Variants in CCDC146 observed in about 807,000 individuals in gnomAD.
CCDC146 encodes the protein coiled-coil domain containing 146.
In CCDC146, 92 loss-of-function variants were observed where a neutral mutation model predicts 119.3. The ratio of observed to expected loss-of-function variants is 0.77; its 90% CI spans 0.65 to 0.92. CCDC146 has a LOEUF of 0.92. Among genes scored for constraint, CCDC146 ranks in the 40% least tolerant of loss-of-function variants. CCDC146 has a pLI of 0.00. For synonymous variants in CCDC146, 372 were observed against 371.8 expected (o/e 1.00, Z -0.01); for missense variants, 1,000 against 1,103.0 (o/e 0.91, Z 1.32).
intron 4 of CCDC146, among the ~76,000 whole-genome samples, chr7:77,253,227 C>T (rs78208970): frequency 0.035 from 5,297 of 152,280 alleles, 251 homozygotes; most frequent in East Asian, 0.15. Context: ...CTAAATCTGC[C>T]CTTCACCTGA....
chr7:77,289,996 T>C (rs893173969), intron 17 of CCDC146, among the ~76,000 whole-genome samples: 4 of 152,208 alleles, frequency 2.6e-5, no homozygotes, highest in Non-Finnish European at 5.9e-5. Context: ...CCAACCCAAA[T>C]GTCCATCAAT....
chr7:77,238,115 C>T (rs1193497927), intron 3 of CCDC146, among the ~76,000 whole-genome samples: 1 of 152,162 alleles, frequency 6.6e-6, no homozygotes, highest in Non-Finnish European at 1.5e-5. Context: ...ACTTCAAGTG[C>T]ACCCAGGTTC....
rs565969008 is a variant in CCDC146 at position 77,157,279 on chromosome 7, C to T, written c.-11-10379C>T. ...TACACCCTGCTGTTTCTAAAATGAG[C>T]AAAACCTGTGCTTGTTCAATGATGA... is the stretch of plus-strand genomic sequence containing the variant. On this transcript the variant is annotated intron_variant, in intron 1 of 18. Coordinates refer to ENST00000285871, the MANE Select transcript of CCDC146 (RefSeq NM_020879.3). 3.2e-3 allele frequency among the ~76,000 whole-genome samples: 394 copies of T among 125,074 alleles called. 5 individuals are homozygous for T. The highest frequency in any genetic ancestry group is 0.012 in the African/African-American group (382 of 30,940). The allele number at this position is 125,074 out of a possible 152,430, so 82.1% of individuals were successfully genotyped here. A position where few individuals can be genotyped will look rare whatever the true frequency, so the allele number is the denominator to read the frequency against.
intron 2 of CCDC146, among the ~76,000 whole-genome samples, chr7:77,228,466 A>G (rs370252609): frequency 4.6e-5 from 7 of 152,206 alleles, no homozygotes; most frequent in African/African-American, 1.4e-4. Flanking sequence ...AGCTCCATCC[A>G]TGACCCTGCA....
At chr7:77,274,809 A>C (rs1351563765) in intron 11 of CCDC146, among the ~76,000 whole-genome samples, 157 bp downstream of exon 11, 2 of 152,184 alleles carry the variant, frequency 1.3e-5, no homozygotes, top group Non-Finnish European at 2.9e-5. Context: ...GTTCTCACTC[A>C]TAGATGGGAA....
chr7:77,287,409 T>A, intron 16 of CCDC146, 31 bp from the exon 17 acceptor site: 1 of 1,610,956 alleles, frequency 6.2e-7, no homozygotes, highest in Non-Finnish European at 8.5e-7. Context: ...GACTTTTTTT[T>A]TATTCCTCTT....
intron 1 of CCDC146, among the ~76,000 whole-genome samples, chr7:77,146,044 G>A (rs1942925668): frequency 6.6e-6 from 1 of 151,636 alleles, no homozygotes. Flanking sequence ...TATCATTGTG[G>A]GGGAGTCTAG....
chr7:77,294,547 G>C, intron 18 of CCDC146, 116 bp from the exon 19 acceptor site: 1 of 829,838 alleles, frequency 1.2e-6, no homozygotes, highest in Non-Finnish European at 1.9e-6. Context: ...CCTTTGGGGA[G>C]TATCAGCTAG....
At chr7:77,197,047 T>A in intron 2 of CCDC146, 4 of 1,002,912 alleles carry the variant, frequency 4.0e-6, no homozygotes, top group Non-Finnish European at 5.9e-6. Flanking sequence ...ATCTGAAGAA[T>A]TCTTTATATG....
intron 4 of CCDC146, among the ~76,000 whole-genome samples, chr7:77,242,865 G>A (rs1348449175): frequency 6.6e-6 from 1 of 151,482 alleles, no homozygotes; most frequent in Admixed American, 6.6e-5. Flanking sequence ...CCTCTCTTTG[G>A]GGCCTATTTT....
intron 1 of CCDC146, among the ~76,000 whole-genome samples, chr7:77,138,829 T>C (rs1291216468): frequency 1.3e-5 from 2 of 152,168 alleles, no homozygotes; most frequent in African/African-American, 4.8e-5. Flanking sequence ...ATCACACACC[T>C]ATTAGAATGG....
At position 77,271,544 on chromosome 7, in the gene CCDC146, A is replaced by T. The variant is rs1485723030; in HGVS notation, c.1174-2150A>T. Among the ~76,000 whole-genome samples the T allele has an allele frequency of 5.8e-4, 62 of 107,294 alleles. 2 individuals are homozygous for T. The highest frequency in any genetic ancestry group is 4.6e-3 in the Admixed American group (52 of 11,420). 70.4% of individuals were successfully genotyped at this position (107,294 alleles called of 152,430 possible). On this transcript the variant is annotated intron_variant, in intron 9 of 18. Transcript: ENST00000285871. The stretch of plus-strand genomic sequence containing the variant: ...TATATATATATATATATATATATAT[A>T]TATATATATATATATATATATATAT...
chr7:77,133,841 A>ACACACACTCT (rs1554345451), intron 1 of CCDC146, among the ~76,000 whole-genome samples: 18 of 150,384 alleles, frequency 1.2e-4, no homozygotes, highest in Admixed American at 1.1e-3. Flanking sequence ...ACACACACAC[A>ACACACACTCT]CACACACACA....
chr7:77,147,996 C>G (rs534179305), intron 1 of CCDC146, among the ~76,000 whole-genome samples: 1 of 152,354 alleles, frequency 6.6e-6, no homozygotes, highest in African/African-American at 2.4e-5. Context: ...CGGCTATGCC[C>G]TGCCCCTAGA....
chr7:77,240,239 G>A (rs1792817987), intron 3 of CCDC146, among the ~76,000 whole-genome samples: 1 of 152,174 alleles, frequency 6.6e-6, no homozygotes, highest in Admixed American at 6.5e-5. Flanking sequence ...CATTCCCATT[G>A]AGTGATCCTT....
chr7:77,237,745 A>G (rs1209882164), intron 3 of CCDC146, among the ~76,000 whole-genome samples: 1 of 152,226 alleles, frequency 6.6e-6, no homozygotes, highest in African/African-American at 2.4e-5. Flanking sequence ...AGGCTATCAT[A>G]GAAGAGTCCA....
intron 2 of CCDC146, among the ~76,000 whole-genome samples, chr7:77,173,989 A>G (rs1791465311): frequency 6.6e-6 from 1 of 151,996 alleles, no homozygotes; most frequent in Non-Finnish European, 1.5e-5. Context: ...TTAAATATGT[A>G]TCTCATTGAT....
rs763551399 is a variant in CCDC146, at chr7:77,145,785, A to G, written c.-11-21873A>G. On this transcript the variant is annotated intron_variant, in intron 1 of 18. Coordinates refer to ENST00000285871, the MANE Select transcript of CCDC146 (RefSeq NM_020879.3). Reference sequence around the variant, plus strand: ...TGATTGCACTGTGGTCTGAGAGACAATTTGTTATAATTTCTGTTCTTTTAC... The same window carrying G: ...TGATTGCACTGTGGTCTGAGAGACAGTTTGTTATAATTTCTGTTCTTTTAC... 8.9e-3 allele frequency among the ~76,000 whole-genome samples: 1,344 copies of G among 151,300 alleles called. 19 individuals are homozygous for G. The highest frequency in any genetic ancestry group is 0.031 in the African/African-American group (1,270 of 40,828).
chr7:77,166,799 G>A (rs1451953026), intron 1 of CCDC146, among the ~76,000 whole-genome samples: 1 of 151,876 alleles, frequency 6.6e-6, no homozygotes, highest in African/African-American at 2.4e-5. Context: ...TTGTTTTTTT[G>A]TACTGGGTCC....
Sources: gnomAD v4.1 joint callset for allele counts (sites outside exome capture counted in the v4.1 genomes callset) on GRCh38, gnomAD v4.1.1 for gene constraint, MANE v1.5 for transcripts, NCBI Gene and HGNC (gene_info 2026-07-23, HGNC 2026-07-21) for gene names.